Variants in HDAC9 observed in about 807,000 individuals in gnomAD.
HDAC9 encodes MEF-2 interacting transcription repressor (MITR) protein.
A neutral mutation model predicts 139.4 loss-of-function variants in HDAC9; 41 were observed. That is an observed-to-expected ratio of 0.29 (90% CI 0.23 to 0.38). The LOEUF is 0.38. Ranked by LOEUF, HDAC9 falls within the 10% of genes least tolerant of loss-of-function variation. The pLI is 1.00. For missense variants in HDAC9, 1,147 were observed against 1,297.0 expected (o/e 0.88, Z 1.78); for synonymous variants, 517 against 476.2 (o/e 1.09, Z -1.12).
chr7:18,228,821 A>G (rs1237273584), intron 2 of HDAC9, among the ~76,000 whole-genome samples: 1 of 152,148 alleles, frequency 6.6e-6, no homozygotes, highest in Non-Finnish European at 1.5e-5. Context: ...AGCCTTCCAA[A>G]CTAGCCTGTT....
intron 1 of HDAC9, among the ~76,000 whole-genome samples, chr7:18,401,071 A>G (rs1040027686): frequency 1.3e-5 from 2 of 152,156 alleles, no homozygotes; most frequent in African/African-American, 4.8e-5. Context: ...AAGTCTTCCT[A>G]CTTTTTGTTC....
At chr7:18,806,007 T>C (rs569484558) in intron 17 of HDAC9, among the ~76,000 whole-genome samples, 3 of 152,070 alleles carry the variant, frequency 2.0e-5, no homozygotes, top group Admixed American at 6.5e-5. Context: ...AGCTGAGGAG[T>C]TGGGGAAGCT....
chr7:18,694,076 G>C (rs932147812), intron 12 of HDAC9, among the ~76,000 whole-genome samples: 1 of 152,124 alleles, frequency 6.6e-6, no homozygotes, highest in Non-Finnish European at 1.5e-5. Flanking sequence ...TATTTTGCAA[G>C]TGAAAACAGC....
intron 2 of HDAC9, among the ~76,000 whole-genome samples, chr7:18,268,138 C>G (rs894055480): frequency 6.6e-6 from 1 of 152,032 alleles, no homozygotes; most frequent in Non-Finnish European, 1.5e-5. Context: ...TAATGAAACA[C>G]TAAGCCTATT....
intron 6 of HDAC9, among the ~76,000 whole-genome samples, chr7:18,608,192 A>C (rs1476963189): frequency 6.6e-6 from 1 of 152,158 alleles, no homozygotes; most frequent in Non-Finnish European, 1.5e-5. Context: ...ATAAATGATG[A>C]AATATTTGGG....
At chr7:18,451,361 A>G (rs891292995) in intron 1 of HDAC9, among the ~76,000 whole-genome samples, 35 of 100,518 alleles carry the variant, frequency 3.5e-4, no homozygotes, top group African/African-American at 1.3e-3. Flanking sequence ...AGACACATGT[A>G]TATGTGCGTG....
At chr7:18,854,444 T>A (rs1432209731) in intron 21 of HDAC9, among the ~76,000 whole-genome samples, 1 of 152,140 alleles carries the variant, frequency 6.6e-6, no homozygotes, top group Admixed American at 6.6e-5. Context: ...TGTAATGACG[T>A]TGATAATGGT....
At chr7:18,578,393 A>G (rs550895614) in intron 2 of HDAC9, among the ~76,000 whole-genome samples, 11 of 152,176 alleles carry the variant, frequency 7.2e-5, no homozygotes, top group Non-Finnish European at 1.3e-4. Context: ...CATGTTACCC[A>G]AAGAAAACTT....
intron 2 of HDAC9, among the ~76,000 whole-genome samples, chr7:18,530,511 T>C (rs1054747821): frequency 6.6e-6 from 1 of 152,044 alleles, no homozygotes; most frequent in African/African-American, 2.4e-5. Flanking sequence ...TGGTTTTCCA[T>C]TTAATGAGCT....
intron 1 of HDAC9, among the ~76,000 whole-genome samples, chr7:18,427,437 A>G (rs1007036285): frequency 6.6e-6 from 1 of 151,560 alleles, no homozygotes; most frequent in African/African-American, 2.4e-5. Flanking sequence ...TTACTTATTT[A>G]GTCATTCATT....
chr7:18,496,368 G>T, intron 2 of HDAC9, 44 bp downstream of exon 2: 2 of 1,549,564 alleles, frequency 1.3e-6, no homozygotes, highest in Non-Finnish European at 1.8e-6. Flanking sequence ...GTTTGAAAGG[G>T]GGCTGGCTTG....
intron 2 of HDAC9, among the ~76,000 whole-genome samples, chr7:18,559,258 C>T (rs767459959): frequency 1.5e-4 from 23 of 152,246 alleles, no homozygotes; most frequent in Admixed American, 5.9e-4. Flanking sequence ...CCCTCTCTCC[C>T]GGCCCAGATC....
chr7:18,945,804 C>T (rs1443049535), intron 23 of HDAC9, among the ~76,000 whole-genome samples: 4 of 151,542 alleles, frequency 2.6e-5, no homozygotes, highest in Admixed American at 6.6e-5. Flanking sequence ...TTTGGGAGGC[C>T]AAGGTGGGCG....
Position 18,262,600 on chromosome 7 carries a change from TTTTG to T in HDAC9, c.25+100257_25+100260del, listed in dbSNP as rs545267522. 1.8e-4 allele frequency among the ~76,000 whole-genome samples: 28 copies of T among 152,318 alleles called. 2 individuals carry two copies. The South Asian group carries it at 5.6e-3, about 30-fold the overall frequency. On this transcript the variant is annotated intron_variant, in intron 2 of 12. Coordinates refer to the HDAC9 transcript ENST00000417496. ...AATATAAAAGACAGTATAACTGTATTTTTGTTTGTAACATTTTTTCTTCTGTCTG... is the reference window on the plus strand; with the variant it reads ...AATATAAAAGACAGTATAACTGTATTTTTGTAACATTTTTTCTTCTGTCTG...
intron 3 of HDAC9, among the ~76,000 whole-genome samples, chr7:18,587,456 G>C (rs915848191): frequency 6.6e-6 from 1 of 151,996 alleles, no homozygotes; most frequent in African/African-American, 2.4e-5. Flanking sequence ...TTTTTATTTT[G>C]TTTTGTCTTG....
Position 18,495,918 on chromosome 7 carries a change from A to G in HDAC9, c.-147A>G, listed in dbSNP as rs1477167710. 1.3e-5 allele frequency: 16 copies of G among 1,218,042 alleles called. No homozygotes were observed. Among genetic ancestry groups the G allele is most frequent in the Non-Finnish European group, 1.6e-5 (16 of 979,368 alleles). 75.5% of individuals were successfully genotyped at this position (1,218,042 alleles called of 1,614,324 possible). On this transcript the variant is annotated 5_prime_UTR_variant, in exon 1 of 26. Transcript: ENST00000686413. ...ATTTTCTACGTATTCTGACAAAGAAATAACCCCGAAGCACGTTCCTATTTC... is the reference window on the plus strand; with the variant it reads ...ATTTTCTACGTATTCTGACAAAGAAGTAACCCCGAAGCACGTTCCTATTTC...
intron 1 of HDAC9, among the ~76,000 whole-genome samples, chr7:18,134,116 T>G (rs1785228295): frequency 6.6e-6 from 1 of 152,030 alleles, no homozygotes; most frequent in Non-Finnish European, 1.5e-5. Flanking sequence ...TGTAGAAGTT[T>G]CCTGTAAATG....
At chr7:18,310,828 A>G (rs1799264401) in intron 1 of HDAC9, among the ~76,000 whole-genome samples, 1 of 151,400 alleles carries the variant, frequency 6.6e-6, no homozygotes, top group African/African-American at 2.4e-5. Flanking sequence ...ACACACACAC[A>G]CACACACACA....
intron 21 of HDAC9, among the ~76,000 whole-genome samples, chr7:18,847,108 A>G (rs758454451): frequency 3.3e-5 from 5 of 152,114 alleles, no homozygotes; most frequent in Non-Finnish European, 5.9e-5. Context: ...TGCTGACTTT[A>G]CTACACAGGA....
Sources: gnomAD v4.1 joint callset for allele counts (sites outside exome capture counted in the v4.1 genomes callset) on GRCh38, gnomAD v4.1.1 for gene constraint, MANE v1.5 for transcripts, NCBI Gene and HGNC (gene_info 2026-07-23, HGNC 2026-07-21) for gene names.